SAMD4A: variants seen among roughly 807,000 people sequenced by gnomAD.
SAMD4A encodes the protein sterile alpha motif domain containing 4A.
A neutral mutation model predicts 81.3 loss-of-function variants in SAMD4A; 33 were observed. The observed-to-expected ratio is 0.41, with a 90% CI of 0.31 to 0.54. The LOEUF (loss-of-function observed/expected upper bound fraction) is 0.54, where lower values mean the gene tolerates loss of function less well. Among genes scored for constraint, SAMD4A ranks in the 20% least tolerant of loss-of-function variants. The pLI, the probability that SAMD4A is intolerant of heterozygous loss-of-function variation, is 0.37. For missense variants in SAMD4A, 854 were observed against 951.1 expected (o/e 0.90, Z 1.34); for synonymous variants, 389 against 382.1 (o/e 1.02, Z -0.21).
At chr14:54,659,998 G>T (rs10782423) in intron 2 of SAMD4A, among the ~76,000 whole-genome samples, 143,824 of 151,948 alleles carry the variant, frequency 0.95, 68,083 homozygotes, top group East Asian at 1. Context: ...GGAAAATTGC[G>T]TGAACCCGGG....
chr14:54,613,368 C>T (rs996894136), intron 2 of SAMD4A, among the ~76,000 whole-genome samples: 4 of 152,130 alleles, frequency 2.6e-5, no homozygotes, highest in African/African-American at 4.8e-5. Flanking sequence ...CAGGTATCAC[C>T]TCTACTGGTA....
Position 54,632,384 on chromosome 14 carries a change from A to G in SAMD4A, c.196+64272A>G, listed in dbSNP as rs1346566912. On this transcript the variant is annotated intron_variant, in intron 2 of 12. Transcript: ENST00000554335. ...AACCAAAAGGCACAAAAGAATACAC[A>G]GTAAAATGTAAATCTCCTACCCCTG... Among the ~76,000 whole-genome samples the G allele has an allele frequency of 7.9e-5, 12 of 152,234 alleles. 1 individual carries two copies. Among genetic ancestry groups the G allele is most frequent in the Admixed American group, 7.9e-4 (12 of 15,282 alleles).
At chr14:54,788,409 C>T (rs1486999584) in intron 12 of SAMD4A, among the ~76,000 whole-genome samples, 3 of 152,168 alleles carry the variant, frequency 2.0e-5, no homozygotes, top group Non-Finnish European at 4.4e-5. Context: ...AAACCTCCAA[C>T]GCACCCTCAG....
At chr14:54,705,773 C>T (rs1489422118) in intron 3 of SAMD4A, among the ~76,000 whole-genome samples, 1 of 152,124 alleles carries the variant, frequency 6.6e-6, no homozygotes, top group African/African-American at 2.4e-5. Flanking sequence ...TGGGAAATAC[C>T]AGGAAGCTGA....
At chr14:54,725,811 A>G (rs1164451680) in intron 3 of SAMD4A, among the ~76,000 whole-genome samples, 1 of 152,242 alleles carries the variant, frequency 6.6e-6, no homozygotes, top group Non-Finnish European at 1.5e-5. Context: ...GAAGTACAGA[A>G]GGGCCACATG....
intron 2 of SAMD4A, among the ~76,000 whole-genome samples, chr14:54,645,599 T>C (rs1400381903): frequency 1.3e-5 from 2 of 152,218 alleles, no homozygotes; most frequent in Non-Finnish European, 2.9e-5. Flanking sequence ...AAAATATGAA[T>C]AAGGCACTCT....
intron 2 of SAMD4A, chr14:54,692,806 T>C (rs2036475457): frequency 6.6e-6 from 1 of 151,734 alleles, no homozygotes; most frequent in Admixed American, 6.6e-5. Context: ...GTAACATTTT[T>C]TTCATCTCTA....
At chr14:54,720,941 T>A (rs1385932875) in intron 3 of SAMD4A, among the ~76,000 whole-genome samples, 1 of 152,198 alleles carries the variant, frequency 6.6e-6, no homozygotes, top group Admixed American at 6.5e-5. Flanking sequence ...AGTTCCCTCA[T>A]GTCCTTCTGT....
At position 54,760,258 on chromosome 14, in the gene SAMD4A, C is replaced by G. The variant is rs201346337; in HGVS notation, c.1274C>G (p.Pro425Arg). 3 of 1,612,952 alleles carry G rather than the reference C, an allele frequency of 1.9e-6. No individual in the cohort carries two copies. Among genetic ancestry groups the G allele is most frequent in the South Asian group, 2.2e-5 (2 of 91,000 alleles). The change falls in exon 7 of 13, where the codon CCC becomes CGC. Residue 425 changes from proline (P) to arginine (R), a missense_variant. Transcript: ENST00000554335. ...GCCTACAGCTCCCCGAGCACCACCC[C>G]CGAGGCTCGCCGCCGGGAGCCCCAG... ...IKAYSSPSTTPEARRREPQAP... is the reference protein window; with the variant it reads ...IKAYSSPSTTREARRREPQAP...
chr14:54,777,205 C>G (rs977961247), intron 11 of SAMD4A, among the ~76,000 whole-genome samples: 30 of 151,960 alleles, frequency 2.0e-4, no homozygotes, highest in South Asian at 1.2e-3. Flanking sequence ...GGACCCCCCC[C>G]CACCCCCACT....
At chr14:54,771,026 C>A (rs963998550) in intron 9 of SAMD4A, among the ~76,000 whole-genome samples, 1 of 152,020 alleles carries the variant, frequency 6.6e-6, no homozygotes, top group African/African-American at 2.4e-5. Context: ...GGTCTGAATT[C>A]ATTTCATTTC....
intron 3 of SAMD4A, among the ~76,000 whole-genome samples, chr14:54,705,602 C>T (rs1054605980): frequency 1.3e-5 from 2 of 151,586 alleles, no homozygotes; most frequent in Admixed American, 1.3e-4. Flanking sequence ...TTGTTTTTAA[C>T]CTTGGTTTAT....
chr14:54,584,568 A>C (rs2033564392), intron 2 of SAMD4A, among the ~76,000 whole-genome samples: 1 of 152,188 alleles, frequency 6.6e-6, no homozygotes. Context: ...ACAAAATAAA[A>C]TTTGTTCAAT....
At chr14:54,773,381 C>T (rs910823210) in intron 9 of SAMD4A, among the ~76,000 whole-genome samples, 1 of 152,180 alleles carries the variant, frequency 6.6e-6, no homozygotes, top group Non-Finnish European at 1.5e-5. Flanking sequence ...TCCCCTGTGT[C>T]GCTGGAAAAG....
chr14:54,640,279 T>C (rs1331845651), intron 2 of SAMD4A, among the ~76,000 whole-genome samples: 1 of 152,246 alleles, frequency 6.6e-6, no homozygotes, highest in African/African-American at 2.4e-5. Flanking sequence ...TATGTTTTAC[T>C]CTGGGTTTGT....
chr14:54,731,226 T>C (rs1371584523), intron 3 of SAMD4A, among the ~76,000 whole-genome samples: 4 of 152,230 alleles, frequency 2.6e-5, no homozygotes, highest in African/African-American at 4.8e-5. Flanking sequence ...TCTTTAGACT[T>C]GATAAGTATC....
At chr14:54,757,703 T>C (rs536250959) in intron 6 of SAMD4A, among the ~76,000 whole-genome samples, 236 of 152,312 alleles carry the variant, frequency 1.5e-3, no homozygotes, top group African/African-American at 5.5e-3. Context: ...GTGGCTTTCC[T>C]AGCCCCTCTT....
intron 2 of SAMD4A, among the ~76,000 whole-genome samples, chr14:54,671,184 AG>A (rs1253498002): frequency 1.3e-5 from 2 of 152,250 alleles, no homozygotes; most frequent in African/African-American, 4.8e-5. Context: ...GGAACTTGGA[AG>A]GAAAAAGTAA....
intron 7 of SAMD4A, among the ~76,000 whole-genome samples, chr14:54,763,237 G>A (rs915870111): frequency 2.3e-4 from 35 of 151,598 alleles, no homozygotes; most frequent in African/African-American, 7.5e-4. Context: ...TACTATAGCC[G>A]GACACGGTGG....
Sources: allele counts gnomAD v4.1 joint callset (sites outside exome capture counted in the v4.1 genomes callset), GRCh38; gene constraint gnomAD v4.1.1; transcripts MANE v1.5; gene names NCBI Gene and HGNC (gene_info 2026-07-23, HGNC 2026-07-21).